The following PARD3 variants were observed in gnomAD, a reference collection of about 807,000 sequenced individuals.
PARD3 encodes the protein par-3 family cell polarity regulator, also known as partitioning defective 3 homolog.
A neutral mutation model predicts 155.4 loss-of-function variants in PARD3; 75 were observed. That is an observed-to-expected ratio of 0.48 (90% CI 0.40 to 0.58). The LOEUF (loss-of-function observed/expected upper bound fraction) is 0.58, where lower values mean the gene tolerates loss of function less well. Ranked by LOEUF, PARD3 falls within the 20% of genes least tolerant of loss-of-function variation. The probability of loss-of-function intolerance (pLI) is 0.00; values close to 1 mark genes in which losing one functional copy is unlikely to be tolerated. For synonymous variants in PARD3, 576 were observed against 610.5 expected, an observed-to-expected ratio of 0.94 and a Z score of 0.83; for missense variants, 1,642 against 1,721.7, an observed-to-expected ratio of 0.95 and a Z score of 0.82.
At chr10:34,443,779 T>C (rs1360222587) in intron 5 of PARD3, among the ~76,000 whole-genome samples, 2 of 152,096 alleles carry the variant, frequency 1.3e-5, no homozygotes, top group African/African-American at 2.4e-5. Flanking sequence ...TTGTTTATAA[T>C]GCATAAATAT....
intron 21 of PARD3, among the ~76,000 whole-genome samples, chr10:34,278,580 A>G (rs1480792368): frequency 6.6e-6 from 1 of 152,046 alleles, no homozygotes; most frequent in Admixed American, 6.6e-5. Flanking sequence ...CTTAGATCTC[A>G]CAAAATCTGA....
intron 20 of PARD3, among the ~76,000 whole-genome samples, chr10:34,289,615 A>G (rs1008167237): frequency 3.9e-5 from 6 of 152,170 alleles, no homozygotes; most frequent in Admixed American, 1.3e-4. Flanking sequence ...GTGAAGGTAC[A>G]CTTTTAAAAA....
intron 2 of PARD3, among the ~76,000 whole-genome samples, chr10:34,534,694 T>A (rs746549675): frequency 1.2e-4 from 19 of 152,034 alleles, no homozygotes; most frequent in Non-Finnish European, 2.1e-4. Flanking sequence ...GTGGTTGATG[T>A]TGTTGTTGCT....
intron 1 of PARD3, among the ~76,000 whole-genome samples, chr10:34,716,020 G>C (rs2094514896): frequency 6.6e-6 from 1 of 152,202 alleles, no homozygotes; most frequent in African/African-American, 2.4e-5. Context: ...CATCTGGTCA[G>C]TTTCAAATAC....
At position 34,606,117 on chromosome 10, in the gene PARD3, A is replaced by G. The variant is rs568123951; in HGVS notation, c.223-88958T>C. The stretch of plus-strand genomic sequence containing the variant: ...TATTAGTTCTTTATATATATACAGA[A>G]CTACATATATCTATATTACTATACA... On this transcript the variant is annotated intron_variant, in intron 2 of 24. Transcript: ENST00000374788. 7.3e-3 allele frequency among the ~76,000 whole-genome samples: 1,056 copies of G among 144,918 alleles called. 12 individuals are homozygous for G. The highest frequency in any genetic ancestry group is 0.026 in the African/African-American group (1,017 of 39,752).
intron 1 of PARD3, among the ~76,000 whole-genome samples, chr10:34,723,327 AGGTT>A (rs1429788194): frequency 6.6e-6 from 1 of 152,222 alleles, no homozygotes; most frequent in African/African-American, 2.4e-5. Flanking sequence ...TTGACTTGAA[AGGTT>A]AGAGGATGCC....
At position 34,226,759 on chromosome 10, in the gene PARD3, A is replaced by T. The variant is rs550940728; in HGVS notation, c.3419+42898T>A. 5.9e-5 allele frequency among the ~76,000 whole-genome samples: 9 copies of T among 152,354 alleles called. No individual in the cohort carries two copies. The South Asian group carries it at 1.7e-3, about 28-fold the overall frequency. ...GTCCACAGAAAAACTTGTATGCACA[A>T]GTTCATAACAGCATGATTCATCATA... On this transcript the variant is annotated intron_variant, in intron 22 of 24. Transcript: ENST00000374788.
chr10:34,476,847 TA>T (rs2078742559), intron 3 of PARD3, among the ~76,000 whole-genome samples: 2 of 152,182 alleles, frequency 1.3e-5, no homozygotes, highest in Non-Finnish European at 2.9e-5. Flanking sequence ...GGTGCAGTAG[TA>T]GTCACAAATG....
intron 2 of PARD3, among the ~76,000 whole-genome samples, chr10:34,541,092 A>G (rs2083578856): frequency 1.3e-5 from 2 of 152,242 alleles, no homozygotes; most frequent in Non-Finnish European, 2.9e-5. Flanking sequence ...CATACCATGA[A>G]ATGCAATATA....
At chr10:34,388,553 T>C (rs779742099) in intron 7 of PARD3, among the ~76,000 whole-genome samples, 1 of 152,222 alleles carries the variant, frequency 6.6e-6, no homozygotes. Context: ...TAGGGATATA[T>C]TTTGCAAACT....
chr10:34,576,908 A>T (rs2086934629), intron 2 of PARD3, among the ~76,000 whole-genome samples: 1 of 152,198 alleles, frequency 6.6e-6, no homozygotes, highest in Admixed American at 6.5e-5. Context: ...ACAACTTGCA[A>T]TCAATTAACG....
At chr10:34,636,786 G>A (rs910910678) in intron 2 of PARD3, among the ~76,000 whole-genome samples, 5 of 152,208 alleles carry the variant, frequency 3.3e-5, no homozygotes, top group Admixed American at 1.3e-4. Flanking sequence ...ACCCGATGCC[G>A]TGACGGGCAG....
At chr10:34,484,242 G>C (rs930401817) in intron 3 of PARD3, among the ~76,000 whole-genome samples, 3 of 152,220 alleles carry the variant, frequency 2.0e-5, no homozygotes, top group African/African-American at 7.2e-5. Flanking sequence ...ACATGTTCAT[G>C]AATGAGCACA....
chr10:34,684,385 A>C (rs2093903482), intron 2 of PARD3, among the ~76,000 whole-genome samples: 1 of 152,164 alleles, frequency 6.6e-6, no homozygotes. Flanking sequence ...TATTGGATTC[A>C]CAGATTTATC....
At chr10:34,155,657 G>A (rs1948970832) in intron 22 of PARD3, among the ~76,000 whole-genome samples, 2 of 138,146 alleles carry the variant, frequency 1.4e-5, no homozygotes, top group Admixed American at 1.5e-4. Flanking sequence ...GAAACCACAA[G>A]CCCTCTAAAA....
intron 3 of PARD3, among the ~76,000 whole-genome samples, chr10:34,484,169 C>T (rs2079282947): frequency 6.6e-6 from 1 of 152,204 alleles, no homozygotes. Context: ...AAGGCAGTTT[C>T]CCATTCTTCA....
At chr10:34,329,293 T>C (rs906649643) in intron 19 of PARD3, among the ~76,000 whole-genome samples, 2 of 152,096 alleles carry the variant, frequency 1.3e-5, no homozygotes, top group African/African-American at 4.8e-5. Flanking sequence ...TAAGGAAAAT[T>C]AAATAACATT....
chr10:34,511,820 G>A (rs938314074), intron 3 of PARD3, among the ~76,000 whole-genome samples: 1 of 152,082 alleles, frequency 6.6e-6, no homozygotes, highest in Non-Finnish European at 1.5e-5. Context: ...TGATCTCCCA[G>A]GCTCAAGAAA....
chr10:34,475,670 A>G (rs185407313), intron 3 of PARD3, among the ~76,000 whole-genome samples: 2 of 152,302 alleles, frequency 1.3e-5, no homozygotes, highest in Non-Finnish European at 2.9e-5. Context: ...ACATTTCTTT[A>G]TTTCAGAAAA....
Sources: gnomAD v4.1 joint callset for allele counts (sites outside exome capture counted in the v4.1 genomes callset) on GRCh38, gnomAD v4.1.1 for gene constraint, MANE v1.5 for transcripts, NCBI Gene and HGNC (gene_info 2026-07-23, HGNC 2026-07-21) for gene names.